RGS7: variants seen among roughly 807,000 people sequenced by gnomAD.
RGS7 encodes regulator of G protein signaling 7, also known as regulator of G-protein signaling 7.
A neutral mutation model predicts 81.1 loss-of-function variants in RGS7; 27 were observed. The observed-to-expected ratio is 0.33, with a 90% CI of 0.25 to 0.46. The LOEUF is 0.46. RGS7 is among the 20% of genes least tolerant of loss of function. The pLI is 1.00. For synonymous variants in RGS7, 208 were observed against 207.7 expected, an observed-to-expected ratio of 1.00 and a Z score of -0.01; for missense variants, 396 against 607.4, an observed-to-expected ratio of 0.65 and a Z score of 3.66.
At chr1:241,306,654 A>G (rs1168642876) in intron 2 of RGS7, among the ~76,000 whole-genome samples, 1 of 140,646 alleles carries the variant, frequency 7.1e-6, no homozygotes, top group Non-Finnish European at 1.6e-5. Flanking sequence ...CCTTTCACAC[A>G]CAAATACATG....
At chr1:240,780,913 C>CAAA (rs35853032) in intron 18 of RGS7, among the ~76,000 whole-genome samples, 3 of 64,216 alleles carry the variant, frequency 4.7e-5, no homozygotes, top group Admixed American at 1.8e-4. Context: ...GACTCTGTCT[C>CAAA]AAAAAAAAAA....
At chr1:240,856,697 C>A (rs1661190956) in intron 9 of RGS7, among the ~76,000 whole-genome samples, 1 of 152,126 alleles carries the variant, frequency 6.6e-6, no homozygotes, top group African/African-American at 2.4e-5. Context: ...TGCAACTAAT[C>A]CTTCAAAAGA....
intron 3 of RGS7, among the ~76,000 whole-genome samples, chr1:241,050,990 G>A (rs1429454455): frequency 6.6e-6 from 1 of 152,058 alleles, no homozygotes; most frequent in African/African-American, 2.4e-5. Flanking sequence ...AGGGAGATTG[G>A]CACTTCTAAC....
At chr1:241,213,326 G>A (rs960435200) in intron 2 of RGS7, among the ~76,000 whole-genome samples, 3 of 152,124 alleles carry the variant, frequency 2.0e-5, no homozygotes, top group Non-Finnish European at 2.9e-5. Flanking sequence ...TTCTGAATGC[G>A]AATCTCCTTT....
Position 241,067,496 on chromosome 1 carries a change from A to G in RGS7, c.175+31170T>C, listed in dbSNP as rs906560315. On this transcript the variant is annotated intron_variant, in intron 3 of 18. Coordinates refer to ENST00000440928, the MANE Select transcript of RGS7 (RefSeq NM_001364886.1). ...TACTCAGCTAGTAGAACATTCAAGT[A>G]AAATACAGAAACCTACTGAATAATG... Among the ~76,000 whole-genome samples the G allele has an allele frequency of 2.0e-5, 3 of 149,456 alleles. No individual in the cohort carries two copies. The Admixed American group carries it at 2.0e-4, about 10-fold the overall frequency.
chr1:240,904,158 C>A (rs1670452395), intron 6 of RGS7, among the ~76,000 whole-genome samples: 1 of 152,116 alleles, frequency 6.6e-6, no homozygotes, highest in South Asian at 2.1e-4. Flanking sequence ...CAACATAAGT[C>A]ATTCCCTGTT....
At chr1:241,114,612 G>C (rs956212268) in intron 2 of RGS7, among the ~76,000 whole-genome samples, 3 of 152,110 alleles carry the variant, frequency 2.0e-5, no homozygotes, top group African/African-American at 7.2e-5. Context: ...AATATTCTGT[G>C]ACTAATAGAT....
chr1:240,834,569 G>A (rs1694368204), intron 9 of RGS7, among the ~76,000 whole-genome samples: 1 of 152,022 alleles, frequency 6.6e-6, no homozygotes, highest in South Asian at 2.1e-4. Context: ...GGAGTGCAGG[G>A]GCGTGACCTC....
chr1:241,317,398 T>A (rs188796786), intron 2 of RGS7, among the ~76,000 whole-genome samples: 2 of 152,222 alleles, frequency 1.3e-5, no homozygotes, highest in African/African-American at 2.4e-5. Context: ...CAGCACACCA[T>A]TGTAGCTTGG....
At chr1:241,020,928 A>G (rs1298581323) in intron 3 of RGS7, among the ~76,000 whole-genome samples, 1 of 152,214 alleles carries the variant, frequency 6.6e-6, no homozygotes, top group Non-Finnish European at 1.5e-5. Flanking sequence ...TCCTTTGAAT[A>G]GAGAGGAAGC....
chr1:241,061,583 A>C (rs2148834333), intron 3 of RGS7, among the ~76,000 whole-genome samples: 1 of 152,342 alleles, frequency 6.6e-6, no homozygotes, highest in Non-Finnish European at 1.5e-5. Context: ...TAAAATAGAT[A>C]CATAAATAGG....
rs1051043302 is a variant in RGS7, at chr1:241,125,446, A to G, written c.79-26684T>C. On this transcript the variant is annotated intron_variant, in intron 2 of 18. Transcript: ENST00000440928. ...GACATGGACACACACACACACACACACACACACACGCTGAATTCATCCTCC... is the reference window on the plus strand; with the variant it reads ...GACATGGACACACACACACACACACGCACACACACGCTGAATTCATCCTCC... Among the ~76,000 whole-genome samples the G allele has an allele frequency of 1.2e-3, 176 of 152,090 alleles. 2 individuals are homozygous for G. Among genetic ancestry groups the G allele is most frequent in the African/African-American group, 4.1e-3 (171 of 41,472 alleles).
chr1:241,021,543 C>T (rs766134599), intron 3 of RGS7, among the ~76,000 whole-genome samples: 5 of 152,260 alleles, frequency 3.3e-5, no homozygotes, highest in African/African-American at 9.6e-5. Flanking sequence ...CACAAGAATA[C>T]GTATCCAGTT....
intron 18 of RGS7, among the ~76,000 whole-genome samples, chr1:240,799,736 G>A (rs1687727673): frequency 6.6e-6 from 1 of 152,102 alleles, no homozygotes; most frequent in Admixed American, 6.6e-5. Flanking sequence ...TGCATTCAAA[G>A]GGTTGGACAT....
intron 2 of RGS7, among the ~76,000 whole-genome samples, chr1:241,351,758 G>C (rs894519107): frequency 1.3e-5 from 2 of 152,118 alleles, no homozygotes; most frequent in African/African-American, 4.8e-5. Context: ...GGGGGAGAGG[G>C]GTGAGGAACA....
intron 2 of RGS7, among the ~76,000 whole-genome samples, chr1:241,337,397 C>G (rs575820373): frequency 1.3e-5 from 2 of 152,066 alleles, no homozygotes; most frequent in Non-Finnish European, 2.9e-5. Context: ...AAGAATTAGA[C>G]CCCACACAAT....
At chr1:241,256,746 C>T (rs111417663) in intron 2 of RGS7, among the ~76,000 whole-genome samples, 102 of 152,152 alleles carry the variant, frequency 6.7e-4, no homozygotes, top group African/African-American at 2.4e-3. Flanking sequence ...GGGCACTAAT[C>T]CCAACCAGGA....
chr1:240,875,486 A>G (rs912211803), intron 6 of RGS7, among the ~76,000 whole-genome samples: 5 of 152,200 alleles, frequency 3.3e-5, no homozygotes, highest in African/African-American at 1.2e-4. Flanking sequence ...TAATGTTGTA[A>G]TGAACGTGGA....
At chr1:241,019,040 T>G (rs2148687337) in intron 3 of RGS7, among the ~76,000 whole-genome samples, 1 of 152,280 alleles carries the variant, frequency 6.6e-6, no homozygotes, top group East Asian at 1.9e-4. Flanking sequence ...TCTCAGAGCC[T>G]AACCATGAAA....
Sources: gnomAD v4.1 joint callset for allele counts (sites outside exome capture counted in the v4.1 genomes callset) on GRCh38, gnomAD v4.1.1 for gene constraint, MANE v1.5 for transcripts, NCBI Gene and HGNC (gene_info 2026-07-23, HGNC 2026-07-21) for gene names.